TMEM132B: variants seen among roughly 807,000 people sequenced by gnomAD.
TMEM132B encodes transmembrane protein 132B.
TMEM132B carries 18 observed loss-of-function variants against 90.8 expected under a neutral mutation model. That is an observed-to-expected ratio of 0.20 (90% CI 0.14 to 0.29). The LOEUF (loss-of-function observed/expected upper bound fraction) is 0.29, where lower values mean the gene tolerates loss of function less well. Among genes scored for constraint, TMEM132B ranks in the 10% least tolerant of loss-of-function variants. The pLI is 1.00. For synonymous variants in TMEM132B, 504 were observed against 523.3 expected (o/e 0.96, Z 0.50); for missense variants, 1,096 against 1,326.8 (o/e 0.83, Z 2.70).
At chr12:125,595,624 A>G (rs888975148) in intron 5 of TMEM132B, among the ~76,000 whole-genome samples, 5 of 152,232 alleles carry the variant, frequency 3.3e-5, no homozygotes, top group Non-Finnish European at 2.9e-5. Flanking sequence ...ATGATACTCA[A>G]AATAATCCTG....
intron 1 of TMEM132B, among the ~76,000 whole-genome samples, chr12:125,273,153 C>G (rs897256978): frequency 1.3e-5 from 2 of 152,030 alleles, no homozygotes; most frequent in Admixed American, 1.3e-4. Flanking sequence ...CTTTTGAACA[C>G]ACATATATCT....
intron 1 of TMEM132B, among the ~76,000 whole-genome samples, chr12:125,240,386 A>G (rs1179913804): frequency 6.6e-6 from 1 of 152,104 alleles, no homozygotes; most frequent in Non-Finnish European, 1.5e-5. Flanking sequence ...TCCTTTTGAC[A>G]GGGCTGTTAT....
chr12:125,605,956 CAA>C (rs955037486), intron 5 of TMEM132B, among the ~76,000 whole-genome samples: 4 of 152,052 alleles, frequency 2.6e-5, no homozygotes, highest in Admixed American at 6.5e-5. Flanking sequence ...GCATCAGAAA[CAA>C]GAGGGTAAAA....
chr12:125,556,225 A>G (rs938445660), intron 4 of TMEM132B, among the ~76,000 whole-genome samples: 2 of 152,264 alleles, frequency 1.3e-5, no homozygotes, highest in Admixed American at 1.3e-4. Flanking sequence ...TGCATTTCAC[A>G]GGATGCTAAT....
intron 3 of TMEM132B, among the ~76,000 whole-genome samples, chr12:125,426,519 A>T (rs78041702): frequency 0.011 from 1,649 of 151,984 alleles, 26 homozygotes; most frequent in African/African-American, 0.037. Context: ...TGTGTTTGTT[A>T]AAAAAAAGTC....
chr12:125,347,349 G>A (rs1877397555), intron 1 of TMEM132B, among the ~76,000 whole-genome samples: 2 of 152,142 alleles, frequency 1.3e-5, no homozygotes, highest in Non-Finnish European at 2.9e-5. Flanking sequence ...AATCTAACAA[G>A]GGACTGGCCA....
chr12:125,590,261 A>G (rs1228694876), intron 5 of TMEM132B, among the ~76,000 whole-genome samples: 4 of 152,212 alleles, frequency 2.6e-5, no homozygotes, highest in African/African-American at 9.6e-5. Flanking sequence ...CAACGTCCAC[A>G]TTCATATCCA....
chr12:125,296,812 G>A (rs1328423877), intron 1 of TMEM132B, among the ~76,000 whole-genome samples: 1 of 152,236 alleles, frequency 6.6e-6, no homozygotes, highest in African/African-American at 2.4e-5. Context: ...TGTCTGGGCA[G>A]GAGGACTCCT....
chr12:125,356,569 T>G (rs1877779934), intron 2 of TMEM132B, among the ~76,000 whole-genome samples: 1 of 152,186 alleles, frequency 6.6e-6, no homozygotes, highest in Admixed American at 6.5e-5. Flanking sequence ...TCTATCTACC[T>G]CCACTGCTAT....
chr12:125,245,654 C>CA (rs201843209), intron 1 of TMEM132B, among the ~76,000 whole-genome samples: 2,200 of 152,284 alleles, frequency 0.014, 29 homozygotes, highest in Non-Finnish European at 0.02. Flanking sequence ...ACGGTTCCAG[C>CA]ACCCCAGCCC....
intron 5 of TMEM132B, among the ~76,000 whole-genome samples, chr12:125,613,430 T>C (rs1885911763): frequency 6.6e-6 from 1 of 151,308 alleles, no homozygotes; most frequent in African/African-American, 2.4e-5. Context: ...GTTGAATTGT[T>C]AAATTAGTTA....
intron 2 of TMEM132B, among the ~76,000 whole-genome samples, chr12:125,377,218 G>A (rs2136280008): frequency 6.6e-6 from 1 of 152,298 alleles, no homozygotes; most frequent in East Asian, 1.9e-4. Context: ...AGTTGATGGG[G>A]AACTGCTCCT....
chr12:125,361,906 C>T (rs1877970306), intron 2 of TMEM132B, among the ~76,000 whole-genome samples: 1 of 152,188 alleles, frequency 6.6e-6, no homozygotes, highest in Non-Finnish European at 1.5e-5. Context: ...TACTTTATCT[C>T]AGATCACAAC....
At chr12:125,513,231 A>ATTCAG (rs1883026914) in intron 3 of TMEM132B, among the ~76,000 whole-genome samples, 1 of 144,922 alleles carries the variant, frequency 6.9e-6, no homozygotes, top group Non-Finnish European at 1.5e-5. Flanking sequence ...CATTCATTCA[A>ATTCAG]CAGATGTCTA....
At position 125,530,031 on chromosome 12, in the gene TMEM132B, A is replaced by G. The variant is rs75097137; in HGVS notation, c.1293+10406A>G. Among the ~76,000 whole-genome samples the G allele has an allele frequency of 4.8e-3, 733 of 152,350 alleles. 3 individuals carry two copies. Among genetic ancestry groups the G allele is most frequent in the African/African-American group, 0.017 (702 of 41,580 alleles). ...GCCGCAGAGCGAGACCCTGTCTGTAACAAAACCAAACAAATGTATGTGGGG... is the reference window on the plus strand; with the variant it reads ...GCCGCAGAGCGAGACCCTGTCTGTAGCAAAACCAAACAAATGTATGTGGGG... On this transcript the variant is annotated intron_variant, in intron 4 of 8. Coordinates refer to ENST00000682704, the MANE Select transcript of TMEM132B (RefSeq NM_001366854.1).
intron 4 of TMEM132B, among the ~76,000 whole-genome samples, chr12:125,546,777 C>T (rs992877761): frequency 2.0e-5 from 3 of 152,122 alleles, no homozygotes; most frequent in Non-Finnish European, 4.4e-5. Flanking sequence ...TTTTATTTCT[C>T]TTGGGTATAT....
At chr12:125,486,669 C>T (rs1489372036) in intron 3 of TMEM132B, among the ~76,000 whole-genome samples, 1 of 152,210 alleles carries the variant, frequency 6.6e-6, no homozygotes, top group African/African-American at 2.4e-5. Context: ...ATATTGACTT[C>T]TAAATATCAA....
rs1481695153 is a variant in TMEM132B at position 125,602,616 on chromosome 12, C to T, written c.1437+18622C>T. On this transcript the variant is annotated intron_variant, in intron 5 of 8. Transcript: ENST00000682704. ...ATAGTGTTGGAAGTTCTGGCCAGGGCGATCACGCAAAAGAAAGAAATAAAG... is the reference window on the plus strand; with the variant it reads ...ATAGTGTTGGAAGTTCTGGCCAGGGTGATCACGCAAAAGAAAGAAATAAAG... 4.6e-5 allele frequency among the ~76,000 whole-genome samples: 7 copies of T among 152,246 alleles called. No individual in the cohort carries two copies. In the South Asian group the frequency reaches 6.2e-4, roughly 14 times the overall value.
In TMEM132B at chr12:125,551,157, T is replaced by C. The variant is rs144127724; in HGVS notation, c.1293+31532T>C. On this transcript the variant is annotated intron_variant, in intron 4 of 8. Coordinates refer to ENST00000682704, the MANE Select transcript of TMEM132B (RefSeq NM_001366854.1). Reference sequence around the variant, plus strand: ...TGTATTCTTGGGCCTTGTTGCCAGATGTTGAGTTACTCTGGTTTAATTCAT... The same window carrying C: ...TGTATTCTTGGGCCTTGTTGCCAGACGTTGAGTTACTCTGGTTTAATTCAT... Among the ~76,000 whole-genome samples the C allele has an allele frequency of 9.1e-4, 138 of 152,366 alleles. 1 individual carries two copies. The East Asian group carries it at 0.026, about 28-fold the overall frequency.
Sources: gnomAD v4.1 joint callset for allele counts (sites outside exome capture counted in the v4.1 genomes callset) on GRCh38, gnomAD v4.1.1 for gene constraint, MANE v1.5 for transcripts, NCBI Gene and HGNC (gene_info 2026-07-23, HGNC 2026-07-21) for gene names.